SCARA3: variants seen among roughly 807,000 people sequenced by gnomAD.
The protein encoded by SCARA3 is scavenger receptor class A member 3.
In SCARA3, 39 loss-of-function variants were observed where a neutral mutation model predicts 47.0. That is an observed-to-expected ratio of 0.83 (90% CI 0.64 to 1.08). SCARA3 has a LOEUF of 1.08. SCARA3 is among the 50% of genes least tolerant of loss of function. SCARA3 has a pLI of 0.00. For missense variants in SCARA3, 724 were observed against 792.3 expected (o/e 0.91, Z 1.04); for synonymous variants, 356 against 334.1 (o/e 1.07, Z -0.71).
intron 1 of SCARA3, among the ~76,000 whole-genome samples, chr8:27,635,894 G>A (rs34253451): frequency 6.6e-6 from 1 of 152,308 alleles, no homozygotes; most frequent in East Asian, 1.9e-4. Flanking sequence ...CAGTTAGTCA[G>A]GGTGACTAGA....
chr8:27,648,689 T>A (rs368845590), intron 1 of SCARA3, among the ~76,000 whole-genome samples: 87 of 151,986 alleles, frequency 5.7e-4, no homozygotes, highest in African/African-American at 2.0e-3. Context: ...CTATAAAATG[T>A]AGACATTAAA....
At chr8:27,670,470 A>T (rs1017791749) in intron 5 of SCARA3, among the ~76,000 whole-genome samples, 1 of 152,062 alleles carries the variant, frequency 6.6e-6, no homozygotes, top group Non-Finnish European at 1.5e-5. Context: ...CCTATTTCTC[A>T]TGCCCCACTT....
At chr8:27,696,811 C>G in the SCARA3 span, among the ~76,000 whole-genome samples, 1 of 151,926 alleles carries the variant, frequency 6.6e-6, no homozygotes, top group African/African-American at 2.4e-5. Flanking sequence ...TTTTATGATT[C>G]TATTTATATG....
At chr8:27,675,029 C>G (rs1802245804), downstream of SCARA3, among the ~76,000 whole-genome samples, 1 of 152,104 alleles carries the variant, frequency 6.6e-6, no homozygotes, top group East Asian at 1.9e-4. Flanking sequence ...GCCAGGCTGC[C>G]TGGGCCTCCT....
rs760924822 is a variant in SCARA3, at chr8:27,659,417, G to A, written c.1247G>A (p.Arg416His). The part of the protein sequence containing the change: ...MLGTTDLLRE[R>H]FSLLSARLDL... ...GGCACCACAGACCTGCTCCGGGAGC[G>A]CTTCAGCCTGCTCAGTGCCCGGCTG... Residue 416 changes from arginine (R) to histidine (H), a missense_variant, in exon 5 of 6, where the codon CGC (arginine) becomes CAC (histidine). Transcript: ENST00000301904. 4.0e-5 allele frequency: 65 copies of A among 1,613,550 alleles called. No homozygotes were observed. Among genetic ancestry groups the A allele is most frequent in the South Asian group, 1.8e-4 (16 of 91,034 alleles).
At chr8:27,682,069 G>T in the SCARA3 span, among the ~76,000 whole-genome samples, 1 of 152,156 alleles carries the variant, frequency 6.6e-6, no homozygotes, top group Non-Finnish European at 1.5e-5. Flanking sequence ...AGACAGTGTG[G>T]TATTGATGTA....
At chr8:27,668,273 G>T (rs1008320504) in intron 5 of SCARA3, among the ~76,000 whole-genome samples, 23 of 152,254 alleles carry the variant, frequency 1.5e-4, no homozygotes, top group African/African-American at 5.5e-4. Context: ...GGGCGCGGTG[G>T]CTCACGCCTG....
At chr8:27,638,314 T>TTGTGTGTGTGTGTGTGTG (rs55695492) in intron 1 of SCARA3, among the ~76,000 whole-genome samples, 1 of 146,734 alleles carries the variant, frequency 6.8e-6, no homozygotes, top group African/African-American at 2.5e-5. Context: ...AATTTAGTGA[T>TTGTGTGTGTGTGTGTGTG]TGTGTGTGTG....
chr8:27,719,876 G>A, the SCARA3 span, among the ~76,000 whole-genome samples: 2 of 152,122 alleles, frequency 1.3e-5, no homozygotes, highest in African/African-American at 2.4e-5. Context: ...TAGAAAAGAT[G>A]CAGCTCTAGA....
At position 27,672,358 on chromosome 8, in the gene SCARA3, G is replaced by A; in HGVS notation, c.*1007G>A. 1.0e-6 allele frequency: 1 copy of A among 985,468 alleles called. No individual in the cohort carries two copies. The highest frequency in any genetic ancestry group is 4.7e-5 in the South Asian group (1 of 21,286). 61.0% of individuals were successfully genotyped at this position (985,468 alleles called of 1,614,324 possible). ...TGGAACATTGGGCCTGAGTGGAGAT[G>A]GGAGACAGAGGCAGGCCAGAAGGTT... On this transcript the variant is annotated 3_prime_UTR_variant, in exon 6 of 6. Coordinates refer to ENST00000301904, the MANE Select transcript of SCARA3 (RefSeq NM_016240.3).
At chr8:27,643,607 T>G (rs1337956118) in intron 1 of SCARA3, among the ~76,000 whole-genome samples, 9 of 152,210 alleles carry the variant, frequency 5.9e-5, no homozygotes, top group Admixed American at 5.9e-4. Context: ...ACCTTACTTA[T>G]AGCGTTCTCC....
intron 2 of SCARA3, among the ~76,000 whole-genome samples, chr8:27,650,159 A>AT (rs71220602): frequency 0.19 from 28,410 of 151,716 alleles, 3,250 homozygotes; most frequent in Middle Eastern, 0.33. Context: ...TGCCTGGATA[A>AT]TTTTTTTTAT....
chr8:27,656,944 C>T (rs754021887), intron 4 of SCARA3, 64 bp downstream of exon 4: 6 of 1,033,918 alleles, frequency 5.8e-6, no homozygotes, highest in Non-Finnish European at 9.2e-6. Context: ...GTGCCCTCCC[C>T]ACGCTACAGT....
At chr8:27,692,897 C>G in the SCARA3 span, among the ~76,000 whole-genome samples, 73,458 of 151,812 alleles carry the variant, frequency 0.48, 18,074 homozygotes, top group Middle Eastern at 0.61. Flanking sequence ...GGCCAAGGCA[C>G]GTGCATCACT....
At chr8:27,665,809 A>G (rs1802003937) in intron 5 of SCARA3, among the ~76,000 whole-genome samples, 1 of 152,234 alleles carries the variant, frequency 6.6e-6, no homozygotes, top group African/African-American at 2.4e-5. Context: ...GGTGCTCTGC[A>G]TAAGGGATTA....
chr8:27,646,962 G>GCCCCCCCCCCCC (rs1563402839), intron 1 of SCARA3, among the ~76,000 whole-genome samples: 1 of 21,630 alleles, frequency 4.6e-5, no homozygotes, highest in African/African-American at 1.3e-4. Flanking sequence ...CCGCACCCCT[G>GCCCCCCCCCCCC]ACCGCCCCCG....
chr8:27,675,258 C>T (rs1802256091), downstream of SCARA3, among the ~76,000 whole-genome samples: 1 of 152,184 alleles, frequency 6.6e-6, no homozygotes, highest in Admixed American at 6.5e-5. Flanking sequence ...CCTGGATACA[C>T]CTGTCAAAAC....
intron 1 of SCARA3, among the ~76,000 whole-genome samples, chr8:27,637,588 C>T (rs1277435285): frequency 6.6e-6 from 1 of 152,076 alleles, no homozygotes; most frequent in Non-Finnish European, 1.5e-5. Flanking sequence ...GCGGAAGTGA[C>T]TCAGTGGTGA....
the SCARA3 span, among the ~76,000 whole-genome samples, chr8:27,686,685 C>T: frequency 1.9e-3 from 292 of 152,248 alleles, no homozygotes; most frequent in African/African-American, 6.4e-3. Context: ...TCCTGTCCAT[C>T]CTGCAAACCC....
Sources: gnomAD v4.1 joint callset for allele counts (sites outside exome capture counted in the v4.1 genomes callset) on GRCh38, gnomAD v4.1.1 for gene constraint, MANE v1.5 for transcripts, NCBI Gene and HGNC (gene_info 2026-07-23, HGNC 2026-07-21) for gene names.